The following SLC43A3 variants were observed in gnomAD, a reference collection of about 807,000 sequenced individuals.
The protein encoded by SLC43A3 is equilibrative nucleobase transporter 1.
Under a neutral mutation model 53.3 loss-of-function variants are expected in SLC43A3, and 33 were observed. The observed-to-expected ratio is 0.62, with a 90% CI of 0.47 to 0.83. SLC43A3 has a LOEUF of 0.83. Ranked by LOEUF, SLC43A3 falls within the 40% of genes least tolerant of loss-of-function variation. The pLI is 0.00. For synonymous variants in SLC43A3, 236 were observed against 246.2 expected (o/e 0.96, Z 0.39); for missense variants, 530 against 610.0 (o/e 0.87, Z 1.38).
intron 5 of SLC43A3, chr11:57,423,770 C>T (rs1483376060): frequency 1.3e-5 from 7 of 537,554 alleles, no homozygotes; most frequent in African/African-American, 3.8e-5. Flanking sequence ...CTGAAGTAAT[C>T]CCTCTCCATC....
intron 9 of SLC43A3, among the ~76,000 whole-genome samples, chr11:57,415,858 AT>A (rs1942695899): frequency 1.3e-5 from 2 of 152,368 alleles, no homozygotes; most frequent in Admixed American, 1.3e-4. Flanking sequence ...AAGATATACA[AT>A]ATGAGGTCAT....
intron 8 of SLC43A3, 97 bp downstream of exon 8, chr11:57,417,651 G>A (rs1565098768): frequency 7.1e-7 from 1 of 1,408,870 alleles, no homozygotes; most frequent in Non-Finnish European, 9.8e-7. Context: ...CACTGCTCCA[G>A]TCCTCCTCCT....
Position 57,413,222 on chromosome 11 carries a change from G to C in SLC43A3, c.1060+1393C>G, listed in dbSNP as rs373060620. ...CCCAGTTTCTTCAACAAATAAACAA[G>C]AAAAGGTAGGGGGGAGGACTGTTCT... On this transcript the variant is annotated intron_variant, in intron 11 of 13. Transcript: ENST00000395124. Among the ~76,000 whole-genome samples, 25 of 152,256 alleles carry C rather than the reference G, an allele frequency of 1.6e-4. No homozygotes were observed. In the South Asian group the frequency reaches 3.3e-3, roughly 20 times the overall value.
At position 57,407,241 on chromosome 11, in the gene SLC43A3, G is replaced by T; in HGVS notation, c.*551C>A. 6.5e-6 allele frequency: 1 copy of T among 152,968 alleles called. No individual in the cohort carries two copies. Among genetic ancestry groups the T allele is most frequent in the Non-Finnish European group, 1.5e-5 (1 of 68,560 alleles). 9.5% of individuals were successfully genotyped at this position (152,968 alleles called of 1,614,324 possible). A position where few individuals can be genotyped will look rare whatever the true frequency, so the allele number is the denominator to read the frequency against. On this transcript the variant is annotated 3_prime_UTR_variant, in exon 14 of 14. Coordinates refer to ENST00000395124, the MANE Select transcript of SLC43A3 (RefSeq NM_199329.3). ...GAAAAGTGATTCTGAGACCAGACCA[G>T]GGTCAGGCCAAGGTCATCCAGCATC...
intron 11 of SLC43A3, 36 bp from the exon 12 acceptor site, chr11:57,410,157 G>A: frequency 5.3e-6 from 8 of 1,514,640 alleles, no homozygotes; most frequent in Non-Finnish European, 7.1e-6. Context: ...GCTCTCTGTA[G>A]GCCAACCCAA....
Position 57,417,860 on chromosome 11 carries a change from TGAGGCTGATGCCTTTTTCATAAA to T in SLC43A3, c.536_558del (p.Leu179GlnfsTer54). The stretch of plus-strand genomic sequence containing the variant: ...ACAGAGATGAAGATGAAGGAGGCCC[TGAGGCTGATGCCTTTTTCATAAA>T]GAAGCTGCAGAAGGAGAAGGAAAAA... On this transcript the variant is annotated frameshift_variant, in exon 8 of 14. Coordinates refer to ENST00000395124, the MANE Select transcript of SLC43A3 (RefSeq NM_199329.3). LOFTEE classifies it high-confidence loss of function. 1 of 1,614,162 alleles carries T rather than the reference TGAGGCTGATGCCTTTTTCATAAA, an allele frequency of 6.2e-7. No homozygotes were observed.
chr11:57,425,344 G>A (rs992158444), intron 4 of SLC43A3, among the ~76,000 whole-genome samples, 197 bp downstream of exon 4: 2 of 152,228 alleles, frequency 1.3e-5, no homozygotes, highest in African/African-American at 4.8e-5. Context: ...AATGGAAGTG[G>A]GGCTGTGGTG....
chr11:57,409,862 C>A, intron 12 of SLC43A3, 73 bp downstream of exon 12: 1 of 1,435,634 alleles, frequency 7.0e-7, no homozygotes, highest in Non-Finnish European at 9.3e-7. Context: ...CCTTGCCTCC[C>A]AATTTCTTTA....
chr11:57,413,492 A>G (rs958282833), intron 11 of SLC43A3, among the ~76,000 whole-genome samples: 2 of 152,206 alleles, frequency 1.3e-5, no homozygotes, highest in African/African-American at 2.4e-5. Context: ...GTATAGAGAA[A>G]TATTTACGGA....
chr11:57,410,861 A>C (rs1197944000), intron 11 of SLC43A3, among the ~76,000 whole-genome samples: 1 of 152,316 alleles, frequency 6.6e-6, no homozygotes, highest in East Asian at 1.9e-4. Flanking sequence ...AAATCTCACG[A>C]GATCTGATGG....
Position 57,417,888 on chromosome 11 carries a change from C to A in SLC43A3, c.532-1G>T. 2 of 1,613,894 alleles carry A rather than the reference C, an allele frequency of 1.2e-6. No homozygotes were observed. The highest frequency in any genetic ancestry group is 1.7e-6 in the Non-Finnish European group (2 of 1,179,890). ...GGCTGATGCCTTTTTCATAAAGAAG[C>A]TGCAGAAGGAGAAGGAAAAAGTCAG... On this transcript the variant is annotated splice_acceptor_variant, in intron 7 of 13. Coordinates refer to ENST00000395124, the MANE Select transcript of SLC43A3 (RefSeq NM_199329.3). LOFTEE classifies it high-confidence loss of function.
chr11:57,410,220 C>T (rs1180969465), intron 11 of SLC43A3, 99 bp from the exon 12 acceptor site: 8 of 961,680 alleles, frequency 8.3e-6, no homozygotes, highest in Non-Finnish European at 1.2e-5. Context: ...GAGCCACTAT[C>T]CATCCACTGT....
At position 57,415,093 on chromosome 11, in the gene SLC43A3, T is replaced by C. The variant is rs1035377501; in HGVS notation, c.783A>G (p.Ala261=). Residue 261 remains alanine, a synonymous_variant, in exon 10 of 14, where the codon GCA becomes GCG. Coordinates refer to ENST00000395124, the MANE Select transcript of SLC43A3 (RefSeq NM_199329.3). ...FLSAKEETPG[A]GQKQELRSFW... ...AGGAGCGGAGTTCCTGCTTCTGCCCTGCCCCTGGGGTCTCTAATGGGGAGA... is the reference window on the plus strand; with the variant it reads ...AGGAGCGGAGTTCCTGCTTCTGCCCCGCCCCTGGGGTCTCTAATGGGGAGA... The C allele has an allele frequency of 3.7e-6, 6 of 1,610,812 alleles. No homozygotes were observed. Among genetic ancestry groups the C allele is most frequent in the Non-Finnish European group, 5.1e-6 (6 of 1,178,230 alleles).
intron 7 of SLC43A3, among the ~76,000 whole-genome samples, chr11:57,419,640 A>T (rs1225740022): frequency 6.6e-6 from 1 of 151,998 alleles, no homozygotes; most frequent in African/African-American, 2.4e-5. Flanking sequence ...TCTACTAAAA[A>T]TACAAAAATA....
intron 9 of SLC43A3, among the ~76,000 whole-genome samples, chr11:57,415,703 C>T (rs1328674309): frequency 1.3e-5 from 2 of 152,154 alleles, no homozygotes; most frequent in African/African-American, 4.8e-5. Context: ...TACACCCTGG[C>T]AAGTTCAATG....
In SLC43A3 at chr11:57,426,055, C is replaced by T. The variant is rs745952830; in HGVS notation, c.118G>A (p.Glu40Lys). 3 of 1,614,278 alleles carry T rather than the reference C, an allele frequency of 1.9e-6. No homozygotes were observed. The highest frequency in any genetic ancestry group is 2.2e-5 in the South Asian group (2 of 91,088). ...CCACACAGATCCTTAAAGTAATCTTCATTCTTGAAGACAAACACTAGTGAA... is the reference window on the plus strand; with the variant it reads ...CCACACAGATCCTTAAAGTAATCTTTATTCTTGAAGACAAACACTAGTGAA... Reference protein sequence around the residue: ...WPSLVFVFKNEDYFKDLCGPD... With the variant: ...WPSLVFVFKNKDYFKDLCGPD... Residue 40 changes from glutamate (E) to lysine (K), a missense_variant, in exon 3 of 14, where the codon GAA (glutamate) becomes AAA (lysine). By Grantham distance (56) the Glu-to-Lys change is moderately conservative. Coordinates refer to ENST00000395124, the MANE Select transcript of SLC43A3 (RefSeq NM_199329.3).
intron 4 of SLC43A3, among the ~76,000 whole-genome samples, chr11:57,424,917 G>A (rs909029844): frequency 2.0e-5 from 3 of 152,212 alleles, no homozygotes; most frequent in Non-Finnish European, 2.9e-5. Flanking sequence ...CACAGAGCAC[G>A]AGATTAGGAT....
At chr11:57,414,335 C>T (rs1332910358) in intron 11 of SLC43A3, among the ~76,000 whole-genome samples, 1 of 151,902 alleles carries the variant, frequency 6.6e-6, no homozygotes, top group Admixed American at 6.6e-5. Flanking sequence ...GGTGAAACCC[C>T]GTCTCTACTA....
rs764852302 is a variant in SLC43A3 at position 57,426,003 on chromosome 11, G to A, written c.170C>T (p.Ala57Val). ...CCTGCCCTTACCAGCCTGCCCTGTG[G>A]CATTGCCAATCGGCCCAGCATCTGG... is the stretch of plus-strand genomic sequence containing the variant. ...CGPDAGPIGN[A>V]TGQADCKAQD... Residue 57 changes from alanine (A) to valine (V), a missense_variant, in exon 3 of 14, where the codon GCC becomes GTC. By Grantham distance (64) the Ala-to-Val change is moderately conservative. Coordinates refer to ENST00000395124, the MANE Select transcript of SLC43A3 (RefSeq NM_199329.3). 1.2e-6 allele frequency: 2 copies of A among 1,614,146 alleles called. No homozygotes were observed. The highest frequency in any genetic ancestry group is 1.7e-6 in the Non-Finnish European group (2 of 1,179,956).
Sources: allele counts gnomAD v4.1 joint callset (sites outside exome capture counted in the v4.1 genomes callset), GRCh38; gene constraint gnomAD v4.1.1; transcripts MANE v1.5; gene names NCBI Gene and HGNC (gene_info 2026-07-23, HGNC 2026-07-21).